Variants in STX8 observed in about 807,000 individuals in gnomAD.
STX8 encodes the protein syntaxin 8, also known as syntaxin-8.
STX8 carries 23 observed loss-of-function variants against 37.5 expected under a neutral mutation model. The ratio of observed to expected loss-of-function variants is 0.61; its 90% CI spans 0.44 to 0.87. The LOEUF (loss-of-function observed/expected upper bound fraction) is 0.87. STX8 is among the 40% of genes least tolerant of loss of function. STX8 has a pLI of 0.00. For synonymous variants in STX8, 115 were observed against 99.1 expected (o/e 1.16, Z -0.95); for missense variants, 313 against 284.7 (o/e 1.10, Z -0.71).
chr17:9,504,992 A>AAAAAAAAAAC (rs1555532509), intron 5 of STX8, 46 bp downstream of exon 5: 1 of 1,524,392 alleles, frequency 6.6e-7, no homozygotes, highest in Non-Finnish European at 8.8e-7. Context: ...AAAAAAAAAA[A>AAAAAAAAAAC]TTCTGGCAAG....
At chr17:9,562,917 A>AT (rs941680547) in intron 2 of STX8, among the ~76,000 whole-genome samples, 21 of 151,966 alleles carry the variant, frequency 1.4e-4, no homozygotes, top group Non-Finnish European at 1.5e-5. Context: ...TATGCACATA[A>AT]TTTTTTTAAA....
At chr17:9,444,144 T>TCTC (rs1904757990) in intron 6 of STX8, among the ~76,000 whole-genome samples, 3 of 147,104 alleles carry the variant, frequency 2.0e-5, no homozygotes, top group African/African-American at 4.9e-5. Context: ...CGCACATTCT[T>TCTC]CTCTCTTTCT....
At chr17:9,388,951 C>T (rs73257836) in intron 6 of STX8, among the ~76,000 whole-genome samples, 2,904 of 152,090 alleles carry the variant, frequency 0.019, 80 homozygotes, top group African/African-American at 0.065. Context: ...ATATTCATTC[C>T]ATAAAATAAC....
chr17:9,496,780 A>C (rs1047934289), intron 5 of STX8, among the ~76,000 whole-genome samples: 1 of 152,176 alleles, frequency 6.6e-6, no homozygotes, highest in African/African-American at 2.4e-5. Flanking sequence ...AGTATGAAGA[A>C]GGGTCAGAGA....
At chr17:9,304,754 T>C (rs1036589122) in intron 7 of STX8, among the ~76,000 whole-genome samples, 5 of 151,998 alleles carry the variant, frequency 3.3e-5, no homozygotes, top group African/African-American at 1.2e-4. Flanking sequence ...TCTTATACAA[T>C]GCTTTTGGGA....
At chr17:9,433,472 T>C (rs970154439) in intron 6 of STX8, among the ~76,000 whole-genome samples, 1 of 152,158 alleles carries the variant, frequency 6.6e-6, no homozygotes, top group Admixed American at 6.5e-5. Flanking sequence ...AAAGCATCCA[T>C]TCATTCTTTC....
At chr17:9,395,371 G>A (rs1912363880) in intron 6 of STX8, among the ~76,000 whole-genome samples, 1 of 152,118 alleles carries the variant, frequency 6.6e-6, no homozygotes, top group Non-Finnish European at 1.5e-5. Context: ...GGAAGCTGAG[G>A]CGGGCACATC....
At chr17:9,356,795 G>A (rs1043066038) in intron 7 of STX8, among the ~76,000 whole-genome samples, 2 of 152,062 alleles carry the variant, frequency 1.3e-5, no homozygotes, top group Non-Finnish European at 2.9e-5. Flanking sequence ...CCAGGTCCTA[G>A]GCATCTCTAG....
chr17:9,415,175 C>G (rs1030629014), intron 6 of STX8, among the ~76,000 whole-genome samples: 12 of 152,154 alleles, frequency 7.9e-5, no homozygotes, highest in African/African-American at 2.7e-4. Context: ...GGTTGGTGGA[C>G]AACAGCCTCT....
chr17:9,429,432 T>G (rs953960108), intron 6 of STX8, among the ~76,000 whole-genome samples: 2 of 145,452 alleles, frequency 1.4e-5, no homozygotes, highest in Non-Finnish European at 3.0e-5. Flanking sequence ...CCAGGCACGG[T>G]GGCTCACACA....
intron 5 of STX8, among the ~76,000 whole-genome samples, chr17:9,498,288 G>A (rs1904481331): frequency 6.6e-6 from 1 of 151,962 alleles, no homozygotes; most frequent in African/African-American, 2.4e-5. Context: ...TACTTGGGAG[G>A]CTGAGGCTGG....
intron 6 of STX8, among the ~76,000 whole-genome samples, chr17:9,380,254 GTTTTTT>G (rs34806016): frequency 1.1e-5 from 1 of 89,444 alleles, no homozygotes; most frequent in Non-Finnish European, 2.2e-5. Context: ...ATTTCTGTGT[GTTTTTT>G]TTTTTTTTTT....
intron 7 of STX8, chr17:9,305,721 C>T (rs1453037659): frequency 1.4e-5 from 2 of 148,020 alleles, no homozygotes; most frequent in Non-Finnish European, 2.9e-5. Context: ...CTATACAGGT[C>T]CCCTATACAG....
intron 6 of STX8, among the ~76,000 whole-genome samples, chr17:9,479,583 C>G (rs561702257): frequency 3.6e-4 from 54 of 148,080 alleles, no homozygotes; most frequent in African/African-American, 1.2e-3. Context: ...AGTATATATT[C>G]ATGTATTTTA....
At chr17:9,533,913 A>C (rs1017481143) in intron 4 of STX8, among the ~76,000 whole-genome samples, 1 of 152,154 alleles carries the variant, frequency 6.6e-6, no homozygotes, top group Non-Finnish European at 1.5e-5. Context: ...TTTCAGCTCA[A>C]GAATATCTCC....
chr17:9,571,009 G>A (rs1258871988), intron 1 of STX8, among the ~76,000 whole-genome samples: 1 of 152,020 alleles, frequency 6.6e-6, no homozygotes, highest in Non-Finnish European at 1.5e-5. Context: ...GGCCCTGGAA[G>A]CCTGTTAAGT....
chr17:9,484,362 A>G (rs1353811367), intron 6 of STX8, among the ~76,000 whole-genome samples: 2 of 151,422 alleles, frequency 1.3e-5, no homozygotes, highest in African/African-American at 4.9e-5. Context: ...TTCTTAAGAG[A>G]AAAGGATGCC....
At chr17:9,272,729 G>T (rs939181152) in intron 7 of STX8, among the ~76,000 whole-genome samples, 2 of 152,196 alleles carry the variant, frequency 1.3e-5, no homozygotes, top group African/African-American at 4.8e-5. Context: ...CATTCTTGAA[G>T]TATATTCTTT....
chr17:9,383,051 C>T (rs942521619), intron 6 of STX8, among the ~76,000 whole-genome samples: 2 of 152,186 alleles, frequency 1.3e-5, no homozygotes, highest in African/African-American at 4.8e-5. Flanking sequence ...TCCTAGAGAG[C>T]ATCCTCATTT....
Sources: allele counts gnomAD v4.1 joint callset (sites outside exome capture counted in the v4.1 genomes callset), GRCh38; gene constraint gnomAD v4.1.1; transcripts MANE v1.5; gene names NCBI Gene and HGNC (gene_info 2026-07-23, HGNC 2026-07-21).